The following GDPD5 variants were observed in gnomAD, a reference collection of about 807,000 sequenced individuals.
GDPD5 encodes glycerophosphodiester phosphodiesterase domain containing 5, also known as glycerophosphodiester phosphodiesterase 2.
GDPD5 carries 48 observed loss-of-function variants against 75.1 expected under a neutral mutation model. The ratio of observed to expected loss-of-function variants is 0.64; its 90% CI spans 0.51 to 0.81. GDPD5 has a LOEUF of 0.81. Ranked by LOEUF, GDPD5 falls within the 40% of genes least tolerant of loss-of-function variation. GDPD5 has a pLI of 0.00. For missense variants in GDPD5, 706 were observed against 822.6 expected (o/e 0.86, Z 1.73); for synonymous variants, 336 against 339.0 (o/e 0.99, Z 0.10).
chr11:75,467,039 C>G (rs1370572207), intron 3 of GDPD5, among the ~76,000 whole-genome samples: 1 of 152,194 alleles, frequency 6.6e-6, no homozygotes, highest in African/African-American at 2.4e-5. Context: ...TAGGCCAGAC[C>G]TGATGCTCCT....
At position 75,491,122 on chromosome 11, in the gene GDPD5, C is replaced by T. The variant is rs534023414; in HGVS notation, c.-144-802G>A. ...AACCCAACTGGATTCTAGAGCCACACACCAGCAAGAAACACATAACCAAAC... is the reference window on the plus strand; with the variant it reads ...AACCCAACTGGATTCTAGAGCCACATACCAGCAAGAAACACATAACCAAAC... On this transcript the variant is annotated intron_variant, in intron 1 of 16. Transcript: ENST00000336898. Among the ~76,000 whole-genome samples, 11 of 152,274 alleles carry T rather than the reference C, an allele frequency of 7.2e-5. No homozygotes were observed. The South Asian group carries it at 2.3e-3, about 32-fold the overall frequency.
At chr11:75,455,397 G>A (rs1949264134) in intron 6 of GDPD5, 2 of 456,358 alleles carry the variant, frequency 4.4e-6, no homozygotes, top group Middle Eastern at 3.3e-4. Flanking sequence ...GGGGACCAGG[G>A]GCTGCTCACG....
In GDPD5 at chr11:75,457,718, G is replaced by A. The variant is rs1949314821; in HGVS notation, c.290C>T (p.Ala97Val). 6.2e-7 allele frequency: 1 copy of A among 1,614,146 alleles called. No individual in the cohort carries two copies. Among genetic ancestry groups the A allele is most frequent in the Non-Finnish European group, 8.5e-7 (1 of 1,179,988 alleles). The part of the protein sequence containing the change: ...PVPILVTTAA[A>V]FAYIAGLLVL... ...CAGGAGGCCAGCGATGTATGCGAAGGCAGCAGCTGTGGTCACAAGGATGGG... is the reference window on the plus strand; with the variant it reads ...CAGGAGGCCAGCGATGTATGCGAAGACAGCAGCTGTGGTCACAAGGATGGG... Residue 97 changes from alanine (A) to valine (V), a missense_variant, in exon 5 of 17, where the codon GCC (alanine) becomes GTC (valine). Ala to Val is a moderately conservative substitution (Grantham distance 64, BLOSUM62 0). Coordinates refer to ENST00000336898, the MANE Select transcript of GDPD5 (RefSeq NM_030792.8).
chr11:75,497,969 C>A (rs547201752), intron 1 of GDPD5, among the ~76,000 whole-genome samples: 6 of 152,142 alleles, frequency 3.9e-5, no homozygotes, highest in African/African-American at 1.2e-4. Flanking sequence ...TGAGCACATA[C>A]AAAATGGGTT....
intron 9 of GDPD5, among the ~76,000 whole-genome samples, chr11:75,446,391 C>A (rs190150716): frequency 1.0e-3 from 157 of 152,202 alleles, no homozygotes; most frequent in Non-Finnish European, 8.5e-4. Context: ...ATTCTTAGTC[C>A]CCGTCTCAGA....
chr11:75,513,266 G>A (rs145912904), intron 1 of GDPD5, among the ~76,000 whole-genome samples: 55 of 152,270 alleles, frequency 3.6e-4, no homozygotes, highest in Middle Eastern at 3.4e-3. Context: ...ACTATTACAT[G>A]GCACCAGACA....
chr11:75,459,726 C>T (rs868353593), intron 4 of GDPD5, among the ~76,000 whole-genome samples: 9 of 149,840 alleles, frequency 6.0e-5, no homozygotes, highest in African/African-American at 1.7e-4. Context: ...AGGAGAATGG[C>T]GTGAACCTGG....
chr11:75,456,569 G>T, intron 6 of GDPD5, 188 bp downstream of exon 6: 1 of 612,828 alleles, frequency 1.6e-6, no homozygotes, highest in South Asian at 1.9e-5. Flanking sequence ...TTGCTGTAAG[G>T]GTTAAGTGAA....
intron 6 of GDPD5, chr11:75,455,396 G>C: frequency 2.2e-6 from 1 of 456,572 alleles, no homozygotes; most frequent in Non-Finnish European, 4.4e-6. Context: ...GGGGGACCAG[G>C]GGCTGCTCAC....
chr11:75,455,680 C>G (rs1031933995), intron 6 of GDPD5, among the ~76,000 whole-genome samples: 8 of 152,180 alleles, frequency 5.3e-5, no homozygotes, highest in African/African-American at 1.9e-4. Context: ...GGCAGGCCCA[C>G]GGGGAGCCAG....
intron 13 of GDPD5, 116 bp downstream of exon 13, chr11:75,441,530 C>T (rs1948801863): frequency 1.2e-5 from 14 of 1,202,930 alleles, no homozygotes; most frequent in Admixed American, 2.3e-5. Context: ...GTGTGCCCAT[C>T]CCTCTGCCCG....
chr11:75,449,153 G>A (rs1427671078), intron 8 of GDPD5, 31 bp from the exon 9 acceptor site: 2 of 1,551,976 alleles, frequency 1.3e-6, no homozygotes, highest in South Asian at 2.4e-5. Flanking sequence ...GTGCTGCCTG[G>A]TGAGCCCTGG....
chr11:75,462,972 C>T, intron 3 of GDPD5, 83 bp from the exon 4 acceptor site: 1 of 1,112,208 alleles, frequency 9.0e-7, no homozygotes, highest in Non-Finnish European at 1.3e-6. Context: ...GTCCTCCTCC[C>T]TCCCACTTTG....
chr11:75,440,776 T>G (rs767335688), intron 14 of GDPD5, among the ~76,000 whole-genome samples: 8 of 152,130 alleles, frequency 5.3e-5, no homozygotes, highest in Non-Finnish European at 7.4e-5. Flanking sequence ...CAGGTTAGTC[T>G]TGTACCCCTG....
intron 14 of GDPD5, 126 bp downstream of exon 14, chr11:75,441,037 A>G (rs1326151680): frequency 1.1e-6 from 1 of 924,150 alleles, no homozygotes; most frequent in Admixed American, 2.3e-5. Flanking sequence ...CACGCCCACC[A>G]TGGACTCCCC....
chr11:75,485,945 T>A (rs1950014174), intron 2 of GDPD5, among the ~76,000 whole-genome samples: 1 of 152,034 alleles, frequency 6.6e-6, no homozygotes, highest in Non-Finnish European at 1.5e-5. Flanking sequence ...ACACCCCCCT[T>A]CTCCTTGGCC....
rs1949814239 is a variant in GDPD5 at position 75,477,893 on chromosome 11, T to TG, written c.-60-99dup. The TG allele has an allele frequency of 1.9e-5, 9 of 483,970 alleles. No individual in the cohort carries two copies. The South Asian group carries it at 3.5e-4, about 19-fold the overall frequency. The allele number at this position is 483,970 out of a possible 1,614,324, so 30.0% of individuals were successfully genotyped here. Reference sequence around the variant, plus strand: ...AGCCTAGGTCAGGGAGGGTCACCCCTGCTCAAAGCACTGCAGTGGGGCTCC... The same window carrying TG: ...AGCCTAGGTCAGGGAGGGTCACCCCTGGCTCAAAGCACTGCAGTGGGGCTCC... On this transcript the variant is annotated intron_variant, in intron 2 of 16. Transcript: ENST00000336898.
intron 2 of GDPD5, among the ~76,000 whole-genome samples, chr11:75,482,973 G>A (rs1949949079): frequency 1.3e-5 from 2 of 152,330 alleles, no homozygotes. Flanking sequence ...GTGCCCAGAA[G>A]TTCTGCTAAC....
At chr11:75,439,320 G>A (rs1479295110) in intron 15 of GDPD5, 1 of 456,234 alleles carries the variant, frequency 2.2e-6, no homozygotes, top group East Asian at 7.0e-5. Flanking sequence ...GAAGGAGGAG[G>A]AAGACCACAC....
Sources: gnomAD v4.1 joint callset for allele counts (sites outside exome capture counted in the v4.1 genomes callset) on GRCh38, gnomAD v4.1.1 for gene constraint, MANE v1.5 for transcripts, NCBI Gene and HGNC (gene_info 2026-07-23, HGNC 2026-07-21) for gene names.